The following ARAP3 variants were observed in gnomAD, a reference collection of about 807,000 sequenced individuals.
ARAP3 encodes the protein arf-GAP with Rho-GAP domain, ANK repeat and PH domain-containing protein 3.
ARAP3 carries 82 observed loss-of-function variants against 169.2 expected under a neutral mutation model. That is an observed-to-expected ratio of 0.48 (90% confidence interval 0.41 to 0.58). ARAP3 has a LOEUF of 0.58. Ranked by LOEUF, ARAP3 falls within the 20% of genes least tolerant of loss-of-function variation. ARAP3 has a pLI of 0.00. For missense variants in ARAP3, 1,764 were observed against 2,018.0 expected, an observed-to-expected ratio of 0.87 and a Z score of 2.41; for synonymous variants, 791 against 800.3, an observed-to-expected ratio of 0.99 and a Z score of 0.20.
At chr5:141,657,839 G>A (rs2099909447) in intron 25 of ARAP3, among the ~76,000 whole-genome samples, 2 of 151,948 alleles carry the variant, frequency 1.3e-5, no homozygotes, top group African/African-American at 4.8e-5. Context: ...TTTTTTTTGA[G>A]GAAAGGGGAC....
chr5:141,661,984 C>G (rs1444726522), intron 20 of ARAP3, 59 bp downstream of exon 20: 1 of 1,602,244 alleles, frequency 6.2e-7, no homozygotes, highest in Non-Finnish European at 8.5e-7. Context: ...ACCATGGATT[C>G]TGGTGGGGGA....
At position 141,657,365 on chromosome 5, in the gene ARAP3, G is replaced by A. The variant is rs201249577; in HGVS notation, c.3527-519C>T. On this transcript the variant is annotated intron_variant, in intron 25 of 32. Coordinates refer to ENST00000239440, the MANE Select transcript of ARAP3 (RefSeq NM_022481.6). ...TACGAGAACAGGTGATGTGAGATGA[G>A]GCATGGAGGACGCAGGGGTCAGACA... 8.5e-5 allele frequency among the ~76,000 whole-genome samples: 13 copies of A among 152,342 alleles called. No homozygotes were observed. In the East Asian group the frequency reaches 2.3e-3, roughly 27 times the overall value.
rs1489163108 is a variant in ARAP3, at chr5:141,679,609, C to T, written c.634G>A (p.Gly212Arg). The change falls in exon 4 of 33, where the codon GGG (glycine) becomes AGG (arginine). Residue 212 changes from glycine to arginine, a missense_variant. Gly to Arg is a moderately radical substitution (Grantham distance 125). This residue lies in a region of ARAP3 where 630 missense variants were observed against 678.7 expected (regional missense o/e 0.93). Transcript: ENST00000239440. ...GCLYYGVQPV[G>R]TPGAPDRRES... ...CTTCTGTCGGGGGCTCCTGGAGTCC[C>T]CACAGGTTGGACACCATAGTACAGG... 1.9e-6 allele frequency: 3 copies of T among 1,614,154 alleles called. No homozygotes were observed. The highest frequency in any genetic ancestry group is 2.7e-5 in the African/African-American group (2 of 75,026).
At chr5:141,665,571 C>A (rs2099910517) in intron 17 of ARAP3, among the ~76,000 whole-genome samples, 197 bp from the exon 18 acceptor site, 1 of 152,118 alleles carries the variant, frequency 6.6e-6, no homozygotes, top group African/African-American at 2.4e-5. Flanking sequence ...TAACTTGCCC[C>A]AGATTACTTG....
At chr5:141,669,535 T>G (rs1346154115) in intron 16 of ARAP3, among the ~76,000 whole-genome samples, 174 bp downstream of exon 16, 1 of 152,118 alleles carries the variant, frequency 6.6e-6, no homozygotes, top group Non-Finnish European at 1.5e-5. Flanking sequence ...GTTGTGAAAA[T>G]TAAATGAGAT....
chr5:141,654,745 T>C (rs2099908979), intron 32 of ARAP3, among the ~76,000 whole-genome samples: 2 of 151,816 alleles, frequency 1.3e-5, no homozygotes, highest in Admixed American at 1.3e-4. Context: ...TTTTTCCTTT[T>C]TTTTTTTTTT....
Position 141,671,221 on chromosome 5 carries a change from T to G in ARAP3, c.1990+44A>C. Reference sequence around the variant, plus strand: ...GAAGAACTGAATCATAGGTTGGGTCTGAGAATTCCTGTAGGGGAGAGAGGA... The same window carrying G: ...GAAGAACTGAATCATAGGTTGGGTCGGAGAATTCCTGTAGGGGAGAGAGGA... On this transcript the variant is annotated intron_variant, in intron 13 of 32. Coordinates refer to ENST00000239440, the MANE Select transcript of ARAP3 (RefSeq NM_022481.6). The surrounding 1 kb of genome is among the most constrained non-coding windows in gnomAD (Gnocchi z 4.9). 1 of 1,551,926 alleles carries G rather than the reference T, an allele frequency of 6.4e-7. No homozygotes were observed. The highest frequency in any genetic ancestry group is 8.7e-7 in the Non-Finnish European group (1 of 1,147,860).
In ARAP3 at chr5:141,656,809, C is replaced by G. The variant is rs1420862238; in HGVS notation, c.3564G>C (p.Gln1188His). The G allele has an allele frequency of 3.7e-6, 6 of 1,613,244 alleles. No homozygotes were observed. The highest frequency in any genetic ancestry group is 5.1e-6 in the Non-Finnish European group (6 of 1,179,680). Residue 1188 changes from glutamine to histidine, a missense_variant, in exon 26 of 33, where the codon CAG becomes CAC. By Grantham distance (24) the Gln-to-His change is conservative. This residue lies in a region of ARAP3 where 1,112 missense variants were observed against 1,285.7 expected (regional missense o/e 0.86). Transcript: ENST00000239440. ...CTGGGAGCTGGCACCATTGTAAAGC[C>G]TGCTCTAAGACCTTTTCCTTGGGAT... ...PLHPKEKVLE[Q>H]ALQWCQLPEP...
Position 141,671,295 on chromosome 5 carries a change from C to T in ARAP3, c.1960G>A (p.Asp654Asn), listed in dbSNP as rs1294890609. Residue 654 changes from aspartate to asparagine, a missense_variant, in exon 13 of 33, where the codon GAT (aspartate) becomes AAT (asparagine). Around this residue, in one of 3 missense-constraint regions of ARAP3, gnomAD observed 1,112 missense variants for 1,285.7 expected, o/e 0.86. Coordinates refer to ENST00000239440, the MANE Select transcript of ARAP3 (RefSeq NM_022481.6). The surrounding 1 kb of genome is among the most constrained non-coding windows in gnomAD (Gnocchi z 4.9). The part of the protein sequence containing the change: ...GEEPWFPPAP[D>N]GSCPGLLPSD... ...GGCAAGAGGCCAGGGCAGCTGCCAT[C>T]AGGGGCTGGGGGGAACCAGGGCTCC... is the stretch of plus-strand genomic sequence containing the variant. The T allele has an allele frequency of 6.2e-7, 1 of 1,612,748 alleles. No homozygotes were observed. The highest frequency in any genetic ancestry group is 8.5e-7 in the Non-Finnish European group (1 of 1,179,380).
intron 19 of ARAP3, among the ~76,000 whole-genome samples, chr5:141,664,353 C>T (rs2099910363): frequency 6.6e-6 from 1 of 152,036 alleles, no homozygotes; most frequent in South Asian, 2.1e-4. Flanking sequence ...CACTGCACTC[C>T]AGCTTGGGCA....
rs765561386 is a variant in ARAP3 at position 141,670,531 on chromosome 5, G to A, written c.2088C>T (p.Pro696=). The A allele has an allele frequency of 1.5e-5, 25 of 1,613,876 alleles. No homozygotes were observed. Among genetic ancestry groups the A allele is most frequent in the Non-Finnish European group, 1.9e-5 (22 of 1,179,932 alleles). ...SPVSNKAGPS[P]PRRGRDAPPR... Reference sequence around the variant, plus strand: ...CCTCACCATCCCGGCCCCTGCGAGGGGGTGAGGGTCCAGCTTTGTTGCTGA... The same window carrying A: ...CCTCACCATCCCGGCCCCTGCGAGGAGGTGAGGGTCCAGCTTTGTTGCTGA... Residue 696 remains proline (P), a synonymous_variant, in exon 14 of 33, where the codon CCC becomes CCT. Transcript: ENST00000239440.
intron 14 of ARAP3, 89 bp from the exon 15 acceptor site, chr5:141,670,152 C>T: frequency 6.7e-7 from 1 of 1,503,644 alleles, no homozygotes; most frequent in South Asian, 1.3e-5. Context: ...CTGTGCCAAG[C>T]CCTTTGCCCA....
Position 141,665,325 on chromosome 5 carries a change from C to T in ARAP3, c.2622G>A (p.Leu874=). ...DTPDKKEHLV[L]VETGRTLYLQ... ...GGGCAATTTACCTTCCTGTCTCCAC[C>T]AGGACCAAATGCTCTTTCTTATCTG... The change falls in exon 18 of 33, where the codon CTG becomes CTA. Residue 874 remains leucine, a synonymous_variant. Transcript: ENST00000239440. 6.2e-7 allele frequency: 1 copy of T among 1,614,242 alleles called. No homozygotes were observed. The highest frequency in any genetic ancestry group is 8.5e-7 in the Non-Finnish European group (1 of 1,180,044).
Position 141,654,319 on chromosome 5 carries a change from AG to A in ARAP3, c.4265del (p.Ser1422LeufsTer12), listed in dbSNP as rs1431740114. The A allele has an allele frequency of 6.2e-7, 1 of 1,614,130 alleles. No homozygotes were observed. On this transcript the variant is annotated frameshift_variant, in exon 33 of 33. Coordinates refer to ENST00000239440, the MANE Select transcript of ARAP3 (RefSeq NM_022481.6). LOFTEE classifies it high-confidence loss of function. ...ACTCCCGTGTGGTGGAGAAGGAGGT[AG>A]AAGTGTCCTGGATCAACTCAGGGAA... The part of the protein sequence containing the change: ...GAFPELIQDT[S>X]TSFSTTREWT...
intron 24 of ARAP3, 46 bp from the exon 25 acceptor site, chr5:141,658,525 G>T (rs1228077997): frequency 6.2e-7 from 1 of 1,613,722 alleles, no homozygotes; most frequent in East Asian, 2.2e-5. Flanking sequence ...TCAGGCTATT[G>T]CCCCTGGAAC....
chr5:141,679,571 A>G lies in ARAP3; in HGVS notation c.672T>C (p.Gly224=). 1 of 1,613,916 alleles carries G rather than the reference A, an allele frequency of 6.2e-7. No homozygotes were observed. Among genetic ancestry groups the G allele is most frequent in the Non-Finnish European group, 8.5e-7 (1 of 1,179,982 alleles). Residue 224 remains glycine (G), a synonymous_variant, in exon 4 of 33, where the codon GGT becomes GGC. Coordinates refer to ENST00000239440, the MANE Select transcript of ARAP3 (RefSeq NM_022481.6). ...TGTGTTCAGCCCTGCCCTGACAAAC[A>G]CCTCTGCTCTCTCTTCTGTCGGGGG... is the stretch of plus-strand genomic sequence containing the variant. ...PGAPDRRESR[G]VCQGRAEHRL...
In ARAP3 at chr5:141,659,300, G is replaced by A. The variant is rs2099909638; in HGVS notation, c.3336+108C>T. The A allele has an allele frequency of 1.7e-5, 17 of 1,018,042 alleles. No individual in the cohort carries two copies. In the South Asian group the frequency reaches 2.3e-4, roughly 14 times the overall value. 63.1% of individuals were successfully genotyped at this position (1,018,042 alleles called of 1,614,324 possible). Reference sequence around the variant, plus strand: ...CTGTCTCCCAAAGAGCTGAGTGCTAGTGTCCAGAAGGACAGGCTGGAAACT... The same window carrying A: ...CTGTCTCCCAAAGAGCTGAGTGCTAATGTCCAGAAGGACAGGCTGGAAACT... On this transcript the variant is annotated intron_variant, in intron 23 of 32. Transcript: ENST00000239440.
chr5:141,653,664 T>A lies in ARAP3; in HGVS notation c.*286A>T. Reference sequence around the variant, plus strand: ...TATATAAAGCAGGAGCTGCCCTTGTTCAGGGATAATATGTGGGGCTTATGG... The same window carrying A: ...TATATAAAGCAGGAGCTGCCCTTGTACAGGGATAATATGTGGGGCTTATGG... On this transcript the variant is annotated 3_prime_UTR_variant, in exon 33 of 33. Coordinates refer to ENST00000239440, the MANE Select transcript of ARAP3 (RefSeq NM_022481.6). 1 of 318,034 alleles carries A rather than the reference T, an allele frequency of 3.1e-6. No homozygotes were observed. The highest frequency in any genetic ancestry group is 5.7e-6 in the Non-Finnish European group (1 of 175,238). The allele number at this position is 318,034 out of a possible 1,614,324, so 19.7% of individuals were successfully genotyped here.
At position 141,655,413 on chromosome 5, in the gene ARAP3, G is replaced by A; in HGVS notation, c.4111-13C>T. The A allele has an allele frequency of 6.3e-7, 1 of 1,587,780 alleles. No individual in the cohort carries two copies. Among genetic ancestry groups the A allele is most frequent in the Non-Finnish European group, 8.6e-7 (1 of 1,166,802 alleles). ...TGTGTAGTCGCCGCTGGACACAGGT[G>A]GGGTGGGGACAAGGGGAAGGAAAGA... On this transcript the variant is annotated splice_polypyrimidine_tract_variant and intron_variant, in intron 31 of 32. Coordinates refer to ENST00000239440, the MANE Select transcript of ARAP3 (RefSeq NM_022481.6).
Sources: gnomAD v4.1 joint callset for allele counts (sites outside exome capture counted in the v4.1 genomes callset) on GRCh38, gnomAD v4.1.1 for gene constraint, gnomAD v4.1.1 regional missense constraint, Gnocchi (gnomAD v3.1) non-coding constraint, MANE v1.5 for transcripts, NCBI Gene and HGNC (gene_info 2026-07-23, HGNC 2026-07-21) for gene names.